The following RGS3 variants were observed in gnomAD, a reference collection of about 807,000 sequenced individuals.
RGS3 encodes the protein regulator of G protein signaling 3.
Under a neutral mutation model 132.6 loss-of-function variants are expected in RGS3, and 80 were observed. The observed-to-expected ratio is 0.60, with a 90% CI of 0.50 to 0.73. The LOEUF is 0.73. RGS3 is among the 30% of genes least tolerant of loss of function. The probability of loss-of-function intolerance (pLI) is 0.00; values close to 1 mark genes in which losing one functional copy is unlikely to be tolerated. For synonymous variants in RGS3, 598 were observed against 620.6 expected (o/e 0.96, Z 0.54); for missense variants, 1,382 against 1,530.8 (o/e 0.90, Z 1.62).
Position 113,507,561 on chromosome 9 carries a change from C to G in RGS3, c.1360C>G (p.Leu454Val), listed in dbSNP as rs1253634325. 2 of 1,571,176 alleles carry G rather than the reference C, an allele frequency of 1.3e-6. No individual in the cohort carries two copies. Among genetic ancestry groups the G allele is most frequent in the South Asian group, 1.2e-5 (1 of 84,636 alleles). The change falls in exon 13 of 25, where the codon CTG becomes GTG. Residue 454 changes from leucine to valine, a missense_variant. Transcript: ENST00000350696. This position sits in a 1 kb window ranked among gnomAD's most constrained non-coding sequence, Gnocchi z 5.0. ...GGCCAAGCGCGGGGGCCAGCACACC[C>G]TGCCTGCACTGTCCCGTGCCACTGC...
At chr9:113,461,332 C>T (rs1829466481) in intron 1 of RGS3, among the ~76,000 whole-genome samples, 1 of 152,078 alleles carries the variant, frequency 6.6e-6, no homozygotes, top group South Asian at 2.1e-4. Context: ...AAAGCAGGGC[C>T]ATGATCATGA....
intron 16 of RGS3, among the ~76,000 whole-genome samples, chr9:113,520,046 A>AG (rs1463110521): frequency 6.6e-6 from 1 of 152,240 alleles, no homozygotes; most frequent in African/African-American, 2.4e-5. Context: ...ATTCCCAAGA[A>AG]GAAGCTTAGT....
At chr9:113,553,752 A>G (rs1679484485) in intron 19 of RGS3, among the ~76,000 whole-genome samples, 1 of 151,854 alleles carries the variant, frequency 6.6e-6, no homozygotes, top group African/African-American at 2.4e-5. Context: ...CTGAGGCAGG[A>G]GAATCACTTG....
intron 21 of RGS3, chr9:113,592,903 G>A (rs916059040): frequency 5.3e-5 from 8 of 152,186 alleles, no homozygotes; most frequent in Non-Finnish European, 1.0e-4. Context: ...TATTTCATAT[G>A]TAATCTAATT....
intron 10 of RGS3, among the ~76,000 whole-genome samples, chr9:113,501,973 T>G (rs1830919100): frequency 6.6e-6 from 1 of 152,232 alleles, no homozygotes; most frequent in South Asian, 2.1e-4. Context: ...TTGCTAACTT[T>G]TCCTGCTTCT....
In RGS3 at chr9:113,487,624, G is replaced by A. The variant is rs76336871; in HGVS notation, c.689+1931G>A. Among the ~76,000 whole-genome samples, 631 of 152,318 alleles carry A rather than the reference G, an allele frequency of 4.1e-3. 1 individual carries two copies. The highest frequency in any genetic ancestry group is 7.4e-3 in the Non-Finnish European group (501 of 68,024). On this transcript the variant is annotated intron_variant, in intron 7 of 24. Transcript: ENST00000350696. ...TGGGTGGACAGGTGAAAGGACAGAA[G>A]AAAGAGCCAGTAAAGTAGAGAGGGA... is the stretch of plus-strand genomic sequence containing the variant.
At chr9:113,517,992 C>T (rs1367706858) in intron 16 of RGS3, among the ~76,000 whole-genome samples, 1 of 152,160 alleles carries the variant, frequency 6.6e-6, no homozygotes, top group African/African-American at 2.4e-5. Flanking sequence ...TTTAGACCAG[C>T]ATCAGTTTAC....
chr9:113,550,693 T>A (rs576502857), intron 19 of RGS3, among the ~76,000 whole-genome samples: 1 of 152,246 alleles, frequency 6.6e-6, no homozygotes, highest in African/African-American at 2.4e-5. Flanking sequence ...TATTGTTACA[T>A]TTTTAAATAG....
chr9:113,594,810 C>G (rs1243200337), intron 22 of RGS3, 109 bp from the exon 21 acceptor site: 2 of 1,086,542 alleles, frequency 1.8e-6, no homozygotes, highest in East Asian at 4.9e-5. Flanking sequence ...CAGCTGGGCT[C>G]AGCTGCAGAC....
intron 4 of RGS3, among the ~76,000 whole-genome samples, chr9:113,481,690 C>A (rs1227431642): frequency 6.6e-6 from 1 of 152,232 alleles, no homozygotes; most frequent in Non-Finnish European, 1.5e-5. Flanking sequence ...CCATTGGTTT[C>A]CCAGGCCTTG....
Position 113,593,801 on chromosome 9 carries a change from G to C in RGS3, c.3081-629G>C, listed in dbSNP as rs1482147290. ...ACCGGCAAGGCTAAAAATGGTTCTTGGCTAAAAATAGCCAGTCCTGCCACC... is the reference window on the plus strand; with the variant it reads ...ACCGGCAAGGCTAAAAATGGTTCTTCGCTAAAAATAGCCAGTCCTGCCACC... On this transcript the variant is annotated intron_variant, in intron 21 of 24. Coordinates refer to ENST00000350696, the Ensembl canonical transcript of RGS3. The C allele has an allele frequency of 9.1e-6, 9 of 983,946 alleles. No homozygotes were observed. The African/African-American group carries it at 1.1e-4, about 12-fold the overall frequency. The allele number at this position is 983,946 out of a possible 1,614,324, so 61.0% of individuals were successfully genotyped here. A position where few individuals can be genotyped will look rare whatever the true frequency, so the allele number is the denominator to read the frequency against.
intron 1 of RGS3, among the ~76,000 whole-genome samples, chr9:113,461,450 A>G (rs1199868475): frequency 6.6e-6 from 1 of 152,190 alleles, no homozygotes. Context: ...TCTCTTGAGG[A>G]AAGGGTGACC....
At position 113,463,674 on chromosome 9, in the gene RGS3, G is replaced by A. The variant is rs1829529232; in HGVS notation, c.415+1473G>A. ...GCCAATCAGGGCCGGGCGCGCCCTGGCCGTTCCAACGCTTGGGGCAGCCCT... is the reference window on the plus strand; with the variant it reads ...GCCAATCAGGGCCGGGCGCGCCCTGACCGTTCCAACGCTTGGGGCAGCCCT... On this transcript the variant is annotated intron_variant, in intron 3 of 24. Coordinates refer to ENST00000350696, the Ensembl canonical transcript of RGS3. The surrounding 1 kb of genome is among the most constrained non-coding windows in gnomAD (Gnocchi z 4.6). The A allele has an allele frequency of 7.1e-7, 1 of 1,403,156 alleles. No homozygotes were observed. The allele number at this position is 1,403,156 out of a possible 1,614,324, so 86.9% of individuals were successfully genotyped here.
chr9:113,516,508 C>T (rs962586617), intron 15 of RGS3, among the ~76,000 whole-genome samples: 11 of 151,302 alleles, frequency 7.3e-5, no homozygotes, highest in Non-Finnish European at 1.0e-4. Flanking sequence ...CAGGTGCCCA[C>T]GACCATGCCT....
chr9:113,534,774 A>G (rs758792011), intron 18 of RGS3, among the ~76,000 whole-genome samples: 3 of 151,722 alleles, frequency 2.0e-5, no homozygotes, highest in Non-Finnish European at 1.5e-5. Context: ...ACCACACCCA[A>G]TTAATTTTTT....
chr9:113,509,137 C>T (rs1418356085), intron 14 of RGS3, among the ~76,000 whole-genome samples: 1 of 151,880 alleles, frequency 6.6e-6, no homozygotes, highest in Non-Finnish European at 1.5e-5. Flanking sequence ...TACAAAATCA[C>T]TACTGGGCGT....
chr9:113,497,548 A>C, intron 9 of RGS3, 144 bp downstream of exon 7: 1 of 672,222 alleles, frequency 1.5e-6, no homozygotes. Flanking sequence ...TCTCAGGAGC[A>C]CTTGCTAGAG....
At chr9:113,471,456 A>T (rs1262985194) in intron 3 of RGS3, among the ~76,000 whole-genome samples, 1 of 152,120 alleles carries the variant, frequency 6.6e-6, no homozygotes, top group African/African-American at 2.4e-5. Flanking sequence ...CTTGTTGTTT[A>T]TCTAAGAAGA....
chr9:113,464,962 C>T (rs929030233), intron 3 of RGS3, among the ~76,000 whole-genome samples: 1 of 152,178 alleles, frequency 6.6e-6, no homozygotes, highest in African/African-American at 2.4e-5. Flanking sequence ...GTGGCTTGGC[C>T]TCTGAAATTG....
Sources: allele counts gnomAD v4.1 joint callset (sites outside exome capture counted in the v4.1 genomes callset), GRCh38; gene constraint gnomAD v4.1.1; non-coding constraint Gnocchi (gnomAD v3.1); transcripts MANE v1.5; gene names NCBI Gene and HGNC (gene_info 2026-07-23, HGNC 2026-07-21).